PALM2AKAP2: variants seen among roughly 807,000 people sequenced by gnomAD.
PALM2AKAP2 encodes PALM2 and AKAP2 fusion, also known as PALM2-AKAP2 fusion protein.
Under a neutral mutation model 71.5 loss-of-function variants are expected in PALM2AKAP2, and 37 were observed. The observed-to-expected ratio is 0.52, with a 90% CI of 0.40 to 0.68. PALM2AKAP2 has a LOEUF of 0.68. Ranked by LOEUF, PALM2AKAP2 falls within the 30% of genes least tolerant of loss-of-function variation. PALM2AKAP2 has a pLI of 0.00. For missense variants in PALM2AKAP2, 1,224 were observed against 1,191.8 expected (o/e 1.03, Z -0.40); for synonymous variants, 468 against 478.8 (o/e 0.98, Z 0.29).
At position 110,153,649 on chromosome 9, in the gene PALM2AKAP2, G is replaced by A. The variant is rs150206803; in HGVS notation, c.2570-2670G>A. Among the ~76,000 whole-genome samples, 288 of 152,242 alleles carry A rather than the reference G, an allele frequency of 1.9e-3. 2 individuals are homozygous for A. Among genetic ancestry groups the A allele is most frequent in the African/African-American group, 5.5e-3 (227 of 41,524 alleles). ...TCAACAAACATGAATTGCCTACCTC[G>A]TGCCATGTACCACAGCTACTGCTGG... On this transcript the variant is annotated intron_variant, in intron 2 of 3. Coordinates refer to ENST00000374525, the Ensembl canonical transcript of PALM2AKAP2.
chr9:109,839,449 G>T (rs1404534429), intron 1 of PALM2AKAP2, among the ~76,000 whole-genome samples: 1 of 152,110 alleles, frequency 6.6e-6, no homozygotes, highest in Non-Finnish European at 1.5e-5. Flanking sequence ...GGCAAAAACT[G>T]GAAGCATTCC....
chr9:110,154,961 C>T (rs1836410566), intron 2 of PALM2AKAP2, among the ~76,000 whole-genome samples: 1 of 152,152 alleles, frequency 6.6e-6, no homozygotes, highest in Non-Finnish European at 1.5e-5. Flanking sequence ...GTGATCAGCC[C>T]ACGATTGAAA....
At chr9:109,887,098 A>G (rs1275373807) in intron 3 of PALM2AKAP2, among the ~76,000 whole-genome samples, 6 of 152,154 alleles carry the variant, frequency 3.9e-5, no homozygotes, top group Admixed American at 3.3e-4. Context: ...TTAATTTTCC[A>G]TATTGTTAGG....
intron 6 of PALM2AKAP2, among the ~76,000 whole-genome samples, chr9:109,969,113 C>CACACACACACA (rs56263304): frequency 6.6e-6 from 1 of 151,700 alleles, no homozygotes; most frequent in Non-Finnish European, 1.5e-5. Context: ...CACACACACA[C>CACACACACACA]GACTCCCAGA....
chr9:109,948,971 C>A (rs78335706), intron 6 of PALM2AKAP2, among the ~76,000 whole-genome samples: 1 of 152,046 alleles, frequency 6.6e-6, no homozygotes, highest in East Asian at 1.9e-4. Flanking sequence ...TAAAAAAAAA[C>A]GCAGGTTGTA....
chr9:109,901,147 C>T (rs1484989736), intron 3 of PALM2AKAP2, among the ~76,000 whole-genome samples: 1 of 152,160 alleles, frequency 6.6e-6, no homozygotes, highest in Non-Finnish European at 1.5e-5. Flanking sequence ...CAAGTAGTAT[C>T]CCAGCTCCAG....
intron 2 of PALM2AKAP2, 104 bp downstream of exon 8, chr9:110,138,643 A>G: frequency 6.9e-7 from 1 of 1,444,548 alleles, no homozygotes; most frequent in Non-Finnish European, 9.1e-7. Flanking sequence ...TGTGTCTGGA[A>G]TAAGTGTTGG....
In PALM2AKAP2 at chr9:110,135,164, A is replaced by AAAAAAAAAAATAT; in HGVS notation, c.157-962_157-961insAAAAAAAAATATA. Among the ~76,000 whole-genome samples, 197 of 51,656 alleles carry AAAAAAAAAAATAT rather than the reference A, an allele frequency of 3.8e-3. 17 individuals are homozygous for AAAAAAAAAAATAT. Among genetic ancestry groups the AAAAAAAAAAATAT allele is most frequent in the African/African-American group, 0.014 (185 of 13,558 alleles). The allele number at this position is 51,656 out of a possible 152,430, so 33.9% of individuals were successfully genotyped here. On this transcript the variant is annotated intron_variant, in intron 1 of 3. Transcript: ENST00000374525. ...AACTCTGTCTCTACAAAAAAAAAAA[A>AAAAAAAAAAATAT]ATATATAAATATATATATATATATA...
intron 1 of PALM2AKAP2, among the ~76,000 whole-genome samples, chr9:109,774,410 C>T (rs1829320429): frequency 6.6e-6 from 1 of 152,182 alleles, no homozygotes; most frequent in African/African-American, 2.4e-5. Context: ...AAAAATTAAG[C>T]TGTTCTTCCC....
At chr9:109,725,951 A>G (rs1293735356) in intron 1 of PALM2AKAP2, among the ~76,000 whole-genome samples, 1 of 152,106 alleles carries the variant, frequency 6.6e-6, no homozygotes, top group Admixed American at 6.6e-5. Flanking sequence ...ACATATTTCA[A>G]TTTCCCCATG....
chr9:109,801,498 T>G (rs890342112), intron 1 of PALM2AKAP2, among the ~76,000 whole-genome samples: 7 of 152,236 alleles, frequency 4.6e-5, no homozygotes, highest in African/African-American at 1.7e-4. Flanking sequence ...TTCGATAAAA[T>G]TAAAATGTTT....
chr9:110,069,098 T>C (rs1834151001), intron 1 of PALM2AKAP2, among the ~76,000 whole-genome samples: 1 of 152,116 alleles, frequency 6.6e-6, no homozygotes, highest in Non-Finnish European at 1.5e-5. Flanking sequence ...GAAGAAGAGG[T>C]TGTGGGGAAA....
intron 1 of PALM2AKAP2, among the ~76,000 whole-genome samples, chr9:109,659,268 T>C (rs73654284): frequency 0.032 from 4,942 of 152,300 alleles, 116 homozygotes; most frequent in African/African-American, 0.049. Flanking sequence ...TAAAGTGTAC[T>C]GTTCAATGGC....
At chr9:110,017,249 T>C (rs1832998827) in intron 7 of PALM2AKAP2, among the ~76,000 whole-genome samples, 1 of 152,228 alleles carries the variant, frequency 6.6e-6, no homozygotes, top group East Asian at 1.9e-4. Flanking sequence ...AGTTTTCTTT[T>C]GTAATGTGAA....
At chr9:109,656,641 A>G (rs1827312047) in intron 1 of PALM2AKAP2, among the ~76,000 whole-genome samples, 1 of 152,188 alleles carries the variant, frequency 6.6e-6, no homozygotes, top group East Asian at 1.9e-4. Context: ...CAAGATGGTT[A>G]TGGTTGTTGT....
chr9:109,899,190 A>G (rs147639634), intron 3 of PALM2AKAP2, among the ~76,000 whole-genome samples: 35 of 152,246 alleles, frequency 2.3e-4, no homozygotes, highest in African/African-American at 8.2e-4. Context: ...AAAATTCATT[A>G]GTCATTACTT....
chr9:109,942,982 A>G (rs1831411827), intron 6 of PALM2AKAP2: 1 of 1,614,172 alleles, frequency 6.2e-7, no homozygotes. Flanking sequence ...CAGCCATCCC[A>G]AGGAACACAT....
chr9:109,781,764 G>A lies in PALM2AKAP2; in HGVS notation c.45+1231G>A, dbSNP rs543777809. 2.6e-5 allele frequency among the ~76,000 whole-genome samples: 4 copies of A among 152,342 alleles called. No homozygotes were observed. In the South Asian group the frequency reaches 8.3e-4, roughly 32 times the overall value. ...TGAAATGCCATGGTTTGCCTATTAG[G>A]TAATCTTTGAACGTGGTGCTCTGAA... On this transcript the variant is annotated intron_variant, in intron 1 of 9. Transcript: ENST00000302798.
chr9:109,779,017 G>A (rs1218036120), upstream of PALM2AKAP2, among the ~76,000 whole-genome samples: 2 of 152,086 alleles, frequency 1.3e-5, no homozygotes, highest in African/African-American at 4.8e-5. Flanking sequence ...TGATCCACCC[G>A]CCTTGGCCTC....
Sources: gnomAD v4.1 joint callset for allele counts (sites outside exome capture counted in the v4.1 genomes callset) on GRCh38, gnomAD v4.1.1 for gene constraint, MANE v1.5 for transcripts, NCBI Gene and HGNC (gene_info 2026-07-23, HGNC 2026-07-21) for gene names.